Variants in CHD2 observed in about 807,000 individuals in gnomAD.
The protein encoded by CHD2 is chromodomain helicase DNA binding protein 2, also known as ATP-dependent chromatin remodeler CHD2.
Under a neutral mutation model 243.9 loss-of-function variants are expected in CHD2, and 28 were observed. That is an observed-to-expected ratio of 0.11 (90% confidence interval 0.09 to 0.16). The LOEUF (loss-of-function observed/expected upper bound fraction) is 0.16. Ranked by LOEUF, CHD2 falls within the 10% of genes least tolerant of loss-of-function variation. The probability of loss-of-function intolerance (pLI) is 1.00; values close to 1 mark genes in which losing one functional copy is unlikely to be tolerated. For synonymous variants in CHD2, 775 were observed against 779.0 expected, an observed-to-expected ratio of 0.99 and a Z score of 0.09; for missense variants, 1,386 against 2,209.8, an observed-to-expected ratio of 0.63 and a Z score of 7.47.
intron 2 of CHD2, among the ~76,000 whole-genome samples, chr15:92,915,198 C>A (rs995288623): frequency 1.8e-4 from 28 of 152,122 alleles, no homozygotes; most frequent in Non-Finnish European, 2.9e-5. Context: ...CACCTTAGAA[C>A]TGATCAGTTC....
chr15:92,971,706 G>T lies in CHD2; in HGVS notation c.2190-59G>T, dbSNP rs146960880. Reference sequence around the variant, plus strand: ...TACTACTATCTCTTATACTCTTCTGGTACCTACAACTTTCTGTTTTTTTGT... The same window carrying T: ...TACTACTATCTCTTATACTCTTCTGTTACCTACAACTTTCTGTTTTTTTGT... On this transcript the variant is annotated intron_variant, in intron 17 of 38. Transcript: ENST00000394196. The T allele has an allele frequency of 4.2e-3, 6,320 of 1,493,734 alleles. 355 individuals are homozygous for T. In the Admixed American group the frequency reaches 0.1, roughly 24 times the overall value. The allele number at this position is 1,493,734 out of a possible 1,614,324, so 92.5% of individuals were successfully genotyped here.
At chr15:93,017,492 A>ATTTTTT (rs760713016) in intron 37 of CHD2, among the ~76,000 whole-genome samples, 17 of 96,822 alleles carry the variant, frequency 1.8e-4, no homozygotes, top group African/African-American at 2.8e-4. Context: ...TGCCGGGCTA[A>ATTTTTT]TTTTTTTTTT....
intron 28 of CHD2, among the ~76,000 whole-genome samples, chr15:92,996,012 A>G (rs766923523): frequency 6.6e-6 from 1 of 152,080 alleles, no homozygotes; most frequent in Non-Finnish European, 1.5e-5. Context: ...TAAAGTGTCT[A>G]TTCATGTGTG....
intron 32 of CHD2, among the ~76,000 whole-genome samples, chr15:93,001,190 GC>G (rs1555444900): frequency 1.3e-5 from 2 of 152,084 alleles, no homozygotes; most frequent in Non-Finnish European, 2.9e-5. Context: ...ATGATAAATG[GC>G]GATTGACACG....
chr15:93,024,577 C>A lies in CHD2; in HGVS notation c.5359C>A (p.Pro1787Thr), dbSNP rs1198410164. ...LPPLHPAVSD[P>T]RSPPSQKSPH... is the part of the protein sequence containing the mutation. ...CCCATTGCACCCTGCAGTCTCAGAT[C>A]CTCGCTCACCCCCTTCTCAGAAATC... The change falls in exon 39 of 39, where the codon CCT (proline) becomes ACT (threonine). Residue 1787 changes from proline to threonine, a missense_variant. Around this residue, in one of 19 missense-constraint regions of CHD2, gnomAD observed 347 missense variants for 341.6 expected, o/e 1.02. Coordinates refer to ENST00000394196, the MANE Select transcript of CHD2 (RefSeq NM_001271.4). 2 of 1,614,226 alleles carry A rather than the reference C, an allele frequency of 1.2e-6. No individual in the cohort carries two copies. Among genetic ancestry groups the A allele is most frequent in the South Asian group, 2.2e-5 (2 of 91,084 alleles).
Position 92,992,844 on chromosome 15 carries a change from T to C in CHD2, c.3456-15T>C, listed in dbSNP as rs554194940. On this transcript the variant is annotated splice_polypyrimidine_tract_variant and intron_variant, in intron 27 of 38. Coordinates refer to ENST00000394196, the MANE Select transcript of CHD2 (RefSeq NM_001271.4). The stretch of plus-strand genomic sequence containing the variant: ...CACAGGGTCCTAAAGTGTCCCCATA[T>C]TTGTTCCTCCTCAGGCTGGAGTGCA... 8.1e-6 allele frequency: 13 copies of C among 1,611,708 alleles called. No individual in the cohort carries two copies. The highest frequency in any genetic ancestry group is 4.4e-5 in the South Asian group (4 of 91,080).
At chr15:92,923,903 G>T (rs1195930816) in intron 2 of CHD2, among the ~76,000 whole-genome samples, 2 of 152,012 alleles carry the variant, frequency 1.3e-5, no homozygotes, top group African/African-American at 2.4e-5. Context: ...TTTTTTTCTT[G>T]TTGAGAGGGG....
chr15:92,990,948 A>G (rs1225937240), intron 26 of CHD2, among the ~76,000 whole-genome samples: 1 of 152,202 alleles, frequency 6.6e-6, no homozygotes, highest in Non-Finnish European at 1.5e-5. Flanking sequence ...TTGTTTGCCT[A>G]AGAAGTTTTA....
chr15:93,009,048 A>G (rs2054358196), intron 34 of CHD2, 97 bp from the exon 35 acceptor site: 1 of 1,256,180 alleles, frequency 8.0e-7, no homozygotes, highest in Non-Finnish European at 1.1e-6. Flanking sequence ...TATATGGCAT[A>G]GGGGTGGGCT....
chr15:92,984,504 A>G lies in CHD2; in HGVS notation c.3237+4A>G, dbSNP rs1289184730. On this transcript the variant is annotated splice_donor_region_variant and intron_variant, in intron 25 of 38. Transcript: ENST00000394196. Reference sequence around the variant, plus strand: ...AATTCGGAGTTCCACTAAAAAGGTGATCAAGTGAGATGAAAGATATGAAAT... The same window carrying G: ...AATTCGGAGTTCCACTAAAAAGGTGGTCAAGTGAGATGAAAGATATGAAAT... 6.2e-7 allele frequency: 1 copy of G among 1,605,632 alleles called. No individual in the cohort carries two copies. The highest frequency in any genetic ancestry group is 1.3e-5 in the African/African-American group (1 of 74,476).
chr15:92,930,507 A>G (rs1369918885), intron 5 of CHD2, among the ~76,000 whole-genome samples: 1 of 151,958 alleles, frequency 6.6e-6, no homozygotes, highest in Admixed American at 6.6e-5. Flanking sequence ...ATCTCAGCTC[A>G]CTGCAGCCTT....
At chr15:92,962,450 A>G (rs910954676) in intron 16 of CHD2, among the ~76,000 whole-genome samples, 1 of 152,014 alleles carries the variant, frequency 6.6e-6, no homozygotes, top group African/African-American at 2.4e-5. Context: ...TTTCAGAAGG[A>G]TGGTGTTTAA....
chr15:92,943,247 A>G, intron 9 of CHD2, 179 bp downstream of exon 9: 2 of 590,112 alleles, frequency 3.4e-6, no homozygotes, highest in South Asian at 2.1e-5. Context: ...CTATATTTTT[A>G]TATGTGGCTA....
intron 25 of CHD2, 144 bp from the exon 26 acceptor site, chr15:92,985,353 TC>T (rs1201312849): frequency 8.9e-6 from 6 of 671,958 alleles, no homozygotes; most frequent in African/African-American, 3.6e-5. Flanking sequence ...AAGACCTGTC[TC>T]CCCTTATTTG....
chr15:92,964,653 C>T (rs1555441598), intron 16 of CHD2, among the ~76,000 whole-genome samples: 1 of 152,154 alleles, frequency 6.6e-6, no homozygotes, highest in Non-Finnish European at 1.5e-5. Flanking sequence ...GTGGCTCTGA[C>T]AGGGAGTACA....
chr15:93,008,046 A>C (rs1422754997), intron 34 of CHD2, among the ~76,000 whole-genome samples: 1 of 152,168 alleles, frequency 6.6e-6, no homozygotes, highest in Non-Finnish European at 1.5e-5. Flanking sequence ...CTCCTTTGAA[A>C]GTTTTCATTA....
At chr15:92,908,900 C>T (rs2052673619) in intron 2 of CHD2, among the ~76,000 whole-genome samples, 1 of 152,114 alleles carries the variant, frequency 6.6e-6, no homozygotes, top group Admixed American at 6.5e-5. Flanking sequence ...AGGCGGATCA[C>T]TTGAGGTAGG....
chr15:92,913,068 T>G (rs1298926010), intron 2 of CHD2, among the ~76,000 whole-genome samples: 4 of 152,210 alleles, frequency 2.6e-5, no homozygotes, highest in Non-Finnish European at 4.4e-5. Context: ...AAAAATCACC[T>G]GGGGTGCTTG....
intron 34 of CHD2, among the ~76,000 whole-genome samples, chr15:93,006,934 A>AT (rs1210092674): frequency 6.6e-6 from 1 of 152,120 alleles, no homozygotes; most frequent in African/African-American, 2.4e-5. Context: ...CCACAGTTTA[A>AT]TTTTTTCCCG....
Sources: gnomAD v4.1 joint callset for allele counts (sites outside exome capture counted in the v4.1 genomes callset) on GRCh38, gnomAD v4.1.1 for gene constraint, gnomAD v4.1.1 regional missense constraint, MANE v1.5 for transcripts, NCBI Gene and HGNC (gene_info 2026-07-23, HGNC 2026-07-21) for gene names.